The following PTPN20 variants were observed in gnomAD, a reference collection of about 807,000 sequenced individuals.
The protein encoded by PTPN20 is tyrosine-protein phosphatase non-receptor type 20.
In PTPN20, 9 loss-of-function variants were observed where a neutral mutation model predicts 35.0. The ratio of observed to expected loss-of-function variants is 0.26; its 90% CI spans 0.15 to 0.45. PTPN20 has a LOEUF of 0.45. Among genes scored for constraint, PTPN20 ranks in the 20% least tolerant of loss-of-function variants. The probability of loss-of-function intolerance (pLI) is 1.00; values close to 1 mark genes in which losing one functional copy is unlikely to be tolerated. For synonymous variants in PTPN20, 32 were observed against 100.2 expected (o/e 0.32, Z 4.06); for missense variants, 111 against 312.5 (o/e 0.36, Z 4.86).
intron 2 of PTPN20, among the ~76,000 whole-genome samples, chr10:46,935,865 T>C (rs1420931631): frequency 0.012 from 1,778 of 152,200 alleles, 29 homozygotes; most frequent in African/African-American, 0.041. Flanking sequence ...TTATGTTCAT[T>C]GAGAAATCTC....
intron 9 of PTPN20, among the ~76,000 whole-genome samples, chr10:46,996,748 T>C (rs1474276819): frequency 6.6e-6 from 1 of 152,228 alleles, no homozygotes; most frequent in Non-Finnish European, 1.5e-5. Flanking sequence ...TATTCCTCTA[T>C]TGAATTATTG....
At chr10:46,950,649 T>A (rs1270539695) in intron 5 of PTPN20, among the ~76,000 whole-genome samples, 3 of 151,998 alleles carry the variant, frequency 2.0e-5, no homozygotes, top group East Asian at 1.9e-4. Flanking sequence ...TTTTAAAAAA[T>A]TAAATTATAA....
chr10:46,964,635 G>C (rs1474137102), intron 5 of PTPN20, among the ~76,000 whole-genome samples: 2 of 147,130 alleles, frequency 1.4e-5, no homozygotes, highest in Non-Finnish European at 3.0e-5. Context: ...GAGGGCAAAA[G>C]TTCTCTTTCC....
intron 7 of PTPN20, among the ~76,000 whole-genome samples, chr10:46,976,046 C>G (rs1384118166): frequency 1.4e-5 from 2 of 147,602 alleles, no homozygotes; most frequent in African/African-American, 5.0e-5. Context: ...TGAGCTCAAG[C>G]AATCCTCCCA....
intron 9 of PTPN20, 94 bp from the exon 10 acceptor site, chr10:46,999,818 A>T: frequency 7.0e-7 from 1 of 1,424,792 alleles, no homozygotes; most frequent in Non-Finnish European, 9.9e-7. Flanking sequence ...CTTTCTGATT[A>T]AATCTTGACA....
At chr10:46,953,050 A>T (rs2047176559) in intron 5 of PTPN20, among the ~76,000 whole-genome samples, 1 of 144,726 alleles carries the variant, frequency 6.9e-6, no homozygotes, top group Non-Finnish European at 1.5e-5. Context: ...TAACATATAG[A>T]TTGTATATAT....
chr10:46,935,634 G>T (rs2041341167), intron 2 of PTPN20, among the ~76,000 whole-genome samples: 2 of 142,822 alleles, frequency 1.4e-5, no homozygotes, highest in Middle Eastern at 3.2e-3. Flanking sequence ...ACCCAGCCAT[G>T]ATTTCATTCT....
intron 5 of PTPN20, among the ~76,000 whole-genome samples, chr10:46,960,682 T>TA (rs2049750309): frequency 6.6e-6 from 1 of 152,172 alleles, no homozygotes; most frequent in Non-Finnish European, 1.5e-5. Flanking sequence ...GCAACTTTTT[T>TA]CTCTTTTTCT....
chr10:46,940,403 G>C (rs1388800131), intron 2 of PTPN20, among the ~76,000 whole-genome samples: 2 of 148,108 alleles, frequency 1.4e-5, no homozygotes, highest in Non-Finnish European at 3.0e-5. Flanking sequence ...TCAACTCCCT[G>C]AGGATAATCC....
chr10:46,981,276 A>G (rs1371990747), intron 7 of PTPN20: 3 of 142,178 alleles, frequency 2.1e-5, no homozygotes, highest in Admixed American at 6.9e-5. Context: ...CAGCTAGACT[A>G]TACCCCCAGT....
chr10:46,984,332 A>C lies in PTPN20; in HGVS notation c.686A>C (p.Gln229Pro). The part of the protein sequence containing the change: ...CGEEYFYIAT[Q>P]GPLLSTIDDF... Reference sequence around the variant, plus strand: ...GAAGAGTATTTTTATATCGCTACTCAAGGACCACTGCTGAGCACCATAGAT... The same window carrying C: ...GAAGAGTATTTTTATATCGCTACTCCAGGACCACTGCTGAGCACCATAGAT... Residue 229 changes from glutamine (Q) to proline (P), a missense_variant, in exon 8 of 11, where the codon CAA becomes CCA. Gln to Pro is a moderately conservative substitution (Grantham distance 76). This residue lies in a region of PTPN20 where 13 missense variants were observed against 136.4 expected (regional missense o/e 0.10). Transcript: ENST00000374339. 1 of 1,612,060 alleles carries C rather than the reference A, an allele frequency of 6.2e-7. No individual in the cohort carries two copies. Among genetic ancestry groups the C allele is most frequent in the Non-Finnish European group, 8.5e-7 (1 of 1,179,844 alleles).
intron 7 of PTPN20, among the ~76,000 whole-genome samples, chr10:46,977,334 A>G (rs1333840481): frequency 8.5e-5 from 13 of 152,416 alleles, no homozygotes; most frequent in East Asian, 1.9e-4. Flanking sequence ...TTCTCACTGT[A>G]TATATACAGC....
At chr10:46,948,024 G>A (rs1333864351) in intron 5 of PTPN20, 4 of 431,856 alleles carry the variant, frequency 9.3e-6, no homozygotes. Context: ...CAAAGAAGCT[G>A]TACTAACATT....
intron 9 of PTPN20, among the ~76,000 whole-genome samples, chr10:46,994,749 T>G (rs1245787527): frequency 6.6e-6 from 1 of 152,204 alleles, no homozygotes; most frequent in African/African-American, 2.4e-5. Context: ...TGAACACCAG[T>G]AATTTTTGGA....
intron 9 of PTPN20, among the ~76,000 whole-genome samples, chr10:46,992,667 C>T (rs1313649418): frequency 1.3e-5 from 2 of 152,140 alleles, no homozygotes; most frequent in Non-Finnish European, 2.9e-5. Context: ...CAGCTGTCTC[C>T]TGAATCTCAT....
intron 7 of PTPN20, chr10:46,981,198 CAA>C: frequency 6.9e-6 from 1 of 144,460 alleles, no homozygotes; most frequent in Non-Finnish European, 1.5e-5. Context: ...GAATGCTCAC[CAA>C]AGGTTGATCT....
chr10:46,964,554 T>TG (rs2050230224), intron 5 of PTPN20, among the ~76,000 whole-genome samples: 1 of 148,948 alleles, frequency 6.7e-6, no homozygotes, highest in South Asian at 2.2e-4. Context: ...TTCAGAGTAA[T>TG]GAAACAGGAC....
chr10:46,921,476 TGTCTTTGTA>T (rs1383377824), intron 1 of PTPN20, among the ~76,000 whole-genome samples: 4 of 150,616 alleles, frequency 2.7e-5, no homozygotes, highest in Middle Eastern at 7.0e-3. Flanking sequence ...GTCTGTAGCT[TGTCTTTGTA>T]GTCTCTTAAC....
At chr10:46,983,083 T>G (rs1194600769) in intron 7 of PTPN20, among the ~76,000 whole-genome samples, 26 of 148,448 alleles carry the variant, frequency 1.8e-4, no homozygotes, top group African/African-American at 6.3e-4. Flanking sequence ...TTTTTTTTTT[T>G]TTTGTTTGAG....
Sources: gnomAD v4.1 joint callset for allele counts (sites outside exome capture counted in the v4.1 genomes callset) on GRCh38, gnomAD v4.1.1 for gene constraint, gnomAD v4.1.1 regional missense constraint, MANE v1.5 for transcripts, NCBI Gene and HGNC (gene_info 2026-07-23, HGNC 2026-07-21) for gene names.